The following DNAJC17 variants were observed in gnomAD, a reference collection of about 807,000 sequenced individuals.
DNAJC17 encodes dnaJ homolog subfamily C member 17.
Under a neutral mutation model 48.1 loss-of-function variants are expected in DNAJC17, and 35 were observed. The observed-to-expected ratio is 0.73, with a 90% CI of 0.56 to 0.96. DNAJC17 has a LOEUF of 0.96. Ranked by LOEUF, DNAJC17 falls within the 50% of genes least tolerant of loss-of-function variation. The probability of loss-of-function intolerance (pLI) is 0.00; values close to 1 mark genes in which losing one functional copy is unlikely to be tolerated. For missense variants in DNAJC17, 355 were observed against 377.1 expected (o/e 0.94, Z 0.48); for synonymous variants, 117 against 142.7 (o/e 0.82, Z 1.28).
chr15:40,804,158 C>T (rs1189994769), intron 1 of DNAJC17, among the ~76,000 whole-genome samples: 6 of 151,550 alleles, frequency 4.0e-5, no homozygotes, highest in Non-Finnish European at 8.8e-5. Flanking sequence ...GAGAGAGAGA[C>T]AGGCTCTCAC....
intron 1 of DNAJC17, among the ~76,000 whole-genome samples, chr15:40,805,932 A>G (rs999524037): frequency 3.9e-5 from 6 of 152,254 alleles, no homozygotes; most frequent in South Asian, 2.1e-4. Flanking sequence ...AATACTGTCT[A>G]GGACATAGTA....
chr15:40,772,784 A>G (rs1271006656), intron 10 of DNAJC17, among the ~76,000 whole-genome samples: 2 of 152,220 alleles, frequency 1.3e-5, no homozygotes, highest in Non-Finnish European at 2.9e-5. Context: ...AGGTGGGGAC[A>G]GGTGTGGCCA....
At chr15:40,774,819 A>G in intron 8 of DNAJC17, 1 of 620,476 alleles carries the variant, frequency 1.6e-6, no homozygotes, top group Non-Finnish European at 2.8e-6. Context: ...GTAGCAAAGG[A>G]CAGCGGGCTG....
intron 4 of DNAJC17, among the ~76,000 whole-genome samples, chr15:40,778,769 T>TA (rs1013914356): frequency 1.2e-4 from 19 of 152,018 alleles, no homozygotes; most frequent in African/African-American, 4.3e-4. Flanking sequence ...ACTCCATCTC[T>TA]AAAAAAACGG....
At chr15:40,772,514 G>A (rs1382470143) in intron 10 of DNAJC17, 2 of 163,552 alleles carry the variant, frequency 1.2e-5, no homozygotes, top group African/African-American at 4.8e-5. Flanking sequence ...GGTCTCTAAA[G>A]CAGGGCCCTG....
intron 1 of DNAJC17, among the ~76,000 whole-genome samples, chr15:40,792,749 G>A (rs181236042): frequency 6.6e-6 from 1 of 152,314 alleles, no homozygotes; most frequent in African/African-American, 2.4e-5. Flanking sequence ...CATGTGGGCT[G>A]CACAAAAGTG....
At position 40,767,796 on chromosome 15, in the gene DNAJC17, GGCGCCAGGCCTGGGTGGA is replaced by G. The variant is rs1261184632; in HGVS notation, c.*126_*143del. Reference sequence around the variant, plus strand: ...GGGGGTCTGCCCACTTCCTGGGAGGGGCGCCAGGCCTGGGTGGAGCGCTCTGCGGCAGAGCCCAGCACC... The same window carrying G: ...GGGGGTCTGCCCACTTCCTGGGAGGGGCGCTCTGCGGCAGAGCCCAGCACC... On this transcript the variant is annotated 3_prime_UTR_variant, in exon 11 of 11. Transcript: ENST00000220496. 8.1e-7 allele frequency: 1 copy of G among 1,239,884 alleles called. No homozygotes were observed. The highest frequency in any genetic ancestry group is 2.8e-4 in the Middle Eastern group (1 of 3,564). The allele number at this position is 1,239,884 out of a possible 1,614,324, so 76.8% of individuals were successfully genotyped here. A position where few individuals can be genotyped will look rare whatever the true frequency, so the allele number is the denominator to read the frequency against.
At chr15:40,778,477 T>C (rs972083948) in intron 4 of DNAJC17, among the ~76,000 whole-genome samples, 8 of 152,038 alleles carry the variant, frequency 5.3e-5, no homozygotes, top group Middle Eastern at 3.4e-3. Flanking sequence ...GGTCTCGAAC[T>C]CCTGACGTCG....
chr15:40,782,843 G>A lies in DNAJC17; in HGVS notation c.79-2846C>T, dbSNP rs1315951754. Reference sequence around the variant, plus strand: ...GGCCATAGCCAGGGCACCTGCCATGGCAGCCCAAGCTGTTTGGTTCTCCTG... The same window carrying A: ...GGCCATAGCCAGGGCACCTGCCATGACAGCCCAAGCTGTTTGGTTCTCCTG... On this transcript the variant is annotated intron_variant, in intron 1 of 10. Transcript: ENST00000220496. Among the ~76,000 whole-genome samples, 6 of 152,196 alleles carry A rather than the reference G, an allele frequency of 3.9e-5. 1 individual carries two copies. The highest frequency in any genetic ancestry group is 1.4e-4 in the African/African-American group (6 of 41,540).
At chr15:40,777,781 GA>G (rs948227424) in intron 4 of DNAJC17, among the ~76,000 whole-genome samples, 53 of 146,860 alleles carry the variant, frequency 3.6e-4, no homozygotes, top group African/African-American at 1.2e-3. Context: ...TTTTAAGTGA[GA>G]AAAAAAAAAT....
intron 4 of DNAJC17, among the ~76,000 whole-genome samples, chr15:40,777,798 C>T (rs1889374178): frequency 6.6e-6 from 1 of 151,580 alleles, no homozygotes. Context: ...AAAATGCTTG[C>T]AGCAATCTTA....
At chr15:40,779,819 G>T in intron 2 of DNAJC17, 109 bp downstream of exon 2, 1 of 1,319,880 alleles carries the variant, frequency 7.6e-7, no homozygotes, top group Non-Finnish European at 1.1e-6. Flanking sequence ...CCTGGAGCCA[G>T]GCAATGTGTG....
intron 9 of DNAJC17, 25 bp downstream of exon 9, chr15:40,774,330 GC>G (rs1410407471): frequency 2.5e-6 from 4 of 1,613,050 alleles, no homozygotes; most frequent in Non-Finnish European, 3.4e-6. Flanking sequence ...GCCACGAGGG[GC>G]CCCCAAGCCT....
intron 4 of DNAJC17, among the ~76,000 whole-genome samples, chr15:40,778,403 C>T (rs2141951029): frequency 6.6e-6 from 1 of 152,240 alleles, no homozygotes. Flanking sequence ...CAGGCACCCG[C>T]CACCACACCC....
chr15:40,776,722 A>G lies in DNAJC17; in HGVS notation c.296-95T>C, dbSNP rs1951295699. 14 of 1,237,538 alleles carry G rather than the reference A, an allele frequency of 1.1e-5. No homozygotes were observed. In the South Asian group the frequency reaches 1.6e-4, roughly 14 times the overall value. 76.7% of individuals were successfully genotyped at this position (1,237,538 alleles called of 1,614,324 possible). A position where few individuals can be genotyped will look rare whatever the true frequency, so the allele number is the denominator to read the frequency against. The stretch of plus-strand genomic sequence containing the variant: ...CTCTGGCTGCCTCCCCAAAGTCTCA[A>G]TCACGACGAGATCATACAGTAACTC... On this transcript the variant is annotated intron_variant, in intron 4 of 10. Transcript: ENST00000220496.
At chr15:40,798,062 C>T (rs893885077) in intron 1 of DNAJC17, among the ~76,000 whole-genome samples, 5 of 152,060 alleles carry the variant, frequency 3.3e-5, no homozygotes, top group Non-Finnish European at 7.4e-5. Context: ...GCATTACTCA[C>T]AATAGTCAAA....
chr15:40,797,232 T>C (rs1218547697), intron 1 of DNAJC17, among the ~76,000 whole-genome samples: 7 of 152,144 alleles, frequency 4.6e-5, no homozygotes, highest in African/African-American at 1.7e-4. Flanking sequence ...CAGCTGGGCA[T>C]GATGGTACAT....
chr15:40,801,421 G>T (rs28736321), intron 1 of DNAJC17, among the ~76,000 whole-genome samples: 7,736 of 152,258 alleles, frequency 0.051, 671 homozygotes, highest in African/African-American at 0.18. Context: ...AGGGGAGGAA[G>T]AGCATTCCTG....
At chr15:40,796,683 C>T (rs1889946661) in intron 1 of DNAJC17, among the ~76,000 whole-genome samples, 2 of 152,264 alleles carry the variant, frequency 1.3e-5, no homozygotes, top group Non-Finnish European at 2.9e-5. Context: ...TTGTGGAAGC[C>T]GGTATGTCAG....
Sources: gnomAD v4.1 joint callset for allele counts (sites outside exome capture counted in the v4.1 genomes callset) on GRCh38, gnomAD v4.1.1 for gene constraint, MANE v1.5 for transcripts, NCBI Gene and HGNC (gene_info 2026-07-23, HGNC 2026-07-21) for gene names.